Variants in ORC1 observed in about 807,000 individuals in gnomAD.
ORC1 encodes the protein origin recognition complex subunit 1, also known as origin recognition complex, subunit 1 homolog.
Under a neutral mutation model 98.9 loss-of-function variants are expected in ORC1, and 61 were observed. That is an observed-to-expected ratio of 0.62 (90% CI 0.50 to 0.76). The LOEUF (loss-of-function observed/expected upper bound fraction) is 0.76, where lower values mean the gene tolerates loss of function less well. Ranked by LOEUF, ORC1 falls within the 30% of genes least tolerant of loss-of-function variation. The pLI, the probability that ORC1 is intolerant of heterozygous loss-of-function variation, is 0.00. For missense variants in ORC1, 979 were observed against 1,072.2 expected (o/e 0.91, Z 1.21); for synonymous variants, 385 against 406.9 (o/e 0.95, Z 0.65).
At chr1:52,397,478 C>T (rs1647458141) in intron 4 of ORC1, among the ~76,000 whole-genome samples, 4 of 152,202 alleles carry the variant, frequency 2.6e-5, no homozygotes, top group Admixed American at 2.0e-4. Flanking sequence ...ACCCAAATGT[C>T]ACCTCTTGTA....
chr1:52,405,696 TAA>T (rs1157353529), upstream of ORC1: 1 of 1,613,296 alleles, frequency 6.2e-7, no homozygotes, highest in Admixed American at 1.7e-5. Context: ...TTGTAGTCGA[TAA>T]AGCCATGGAG....
At chr1:52,399,415 G>A (rs988259461) in intron 3 of ORC1, among the ~76,000 whole-genome samples, 4 of 151,802 alleles carry the variant, frequency 2.6e-5, no homozygotes, top group Non-Finnish European at 5.9e-5. Context: ...ATGAGGTCAG[G>A]AGCTCAAGAC....
intron 1 of ORC1, among the ~76,000 whole-genome samples, chr1:52,402,466 C>A (rs1647759161): frequency 6.6e-6 from 1 of 152,196 alleles, no homozygotes; most frequent in South Asian, 2.1e-4. Flanking sequence ...TATCTCTTTC[C>A]ATCCAGGAAA....
chr1:52,381,556 C>T (rs1218068666), intron 14 of ORC1, 86 bp downstream of exon 14: 1 of 1,415,050 alleles, frequency 7.1e-7, no homozygotes, highest in African/African-American at 1.4e-5. Flanking sequence ...TCTCTCCAAC[C>T]TCAGAGCACC....
At chr1:52,377,283 T>A (rs1349256406) in intron 14 of ORC1, among the ~76,000 whole-genome samples, 2 of 151,570 alleles carry the variant, frequency 1.3e-5, no homozygotes, top group Non-Finnish European at 2.9e-5. Context: ...TTTTGTTGGT[T>A]TTTTTGTTTG....
At chr1:52,404,794 C>A (rs751078267), upstream of ORC1, 3 of 1,614,172 alleles carry the variant, frequency 1.9e-6, no homozygotes, top group Non-Finnish European at 2.5e-6. Flanking sequence ...TCCATGGCAC[C>A]AACCCTCAAT....
At chr1:52,402,075 T>C in intron 2 of ORC1, 54 bp downstream of exon 2, 6 of 1,266,042 alleles carry the variant, frequency 4.7e-6, no homozygotes, top group Non-Finnish European at 6.9e-6. Context: ...ACAAGTTGAC[T>C]GTTTAGCTTG....
At chr1:52,388,080 G>C (rs1466654500) in intron 8 of ORC1, among the ~76,000 whole-genome samples, 3 of 152,064 alleles carry the variant, frequency 2.0e-5, no homozygotes, top group Admixed American at 6.6e-5. Flanking sequence ...TATCAAGTGG[G>C]ACAACAAAAC....
At chr1:52,408,764 A>G, upstream of ORC1, 2 of 1,541,846 alleles carry the variant, frequency 1.3e-6, no homozygotes, top group East Asian at 4.5e-5. Context: ...CTACCTTTGC[A>G]TTGTCATAGA....
intron 14 of ORC1, among the ~76,000 whole-genome samples, chr1:52,375,990 T>C (rs1471071220): frequency 6.6e-6 from 1 of 152,160 alleles, no homozygotes; most frequent in African/African-American, 2.4e-5. Flanking sequence ...GGAGCCTATC[T>C]GGAGATAAAG....
At position 52,401,346 on chromosome 1, in the gene ORC1, C is replaced by T. The variant is rs754879040; in HGVS notation, c.223+16G>A. 35 of 1,613,866 alleles carry T rather than the reference C, an allele frequency of 2.2e-5. No individual in the cohort carries two copies. The South Asian group carries it at 3.5e-4, about 16-fold the overall frequency. ...TCATGACAAGGAATGGTTTATTATTCCAGTCCCAAACTCACCATCTTCGAA... is the reference window on the plus strand; with the variant it reads ...TCATGACAAGGAATGGTTTATTATTTCAGTCCCAAACTCACCATCTTCGAA... On this transcript the variant is annotated intron_variant, in intron 3 of 16. Coordinates refer to ENST00000371568, the MANE Select transcript of ORC1 (RefSeq NM_004153.4).
chr1:52,383,319 G>A, intron 13 of ORC1, 101 bp downstream of exon 13: 1 of 1,432,762 alleles, frequency 7.0e-7, no homozygotes, highest in Non-Finnish European at 9.8e-7. Context: ...AAAGTGCGGG[G>A]TTTACAGGCG....
At position 52,383,853 on chromosome 1, in the gene ORC1, T is replaced by C; in HGVS notation, c.1840A>G (p.Thr614Ala). 6.2e-7 allele frequency: 1 copy of C among 1,614,074 alleles called. No homozygotes were observed. Among genetic ancestry groups the C allele is most frequent in the Non-Finnish European group, 8.5e-7 (1 of 1,179,976 alleles). Reference protein sequence around the residue: ...QFCTRGSPQETTVLLVDELDL... With the variant: ...QFCTRGSPQEATVLLVDELDL... ...ACCTCATCCACAAGCAGGACGGTGGTTTCCTGAGGTGACCCTCGGGTGCAG... is the reference window on the plus strand; with the variant it reads ...ACCTCATCCACAAGCAGGACGGTGGCTTCCTGAGGTGACCCTCGGGTGCAG... Residue 614 changes from threonine (T) to alanine (A), a missense_variant, in exon 12 of 17, where the codon ACC becomes GCC. By Grantham distance (58) the Thr-to-Ala change is moderately conservative. Coordinates refer to ENST00000371568, the MANE Select transcript of ORC1 (RefSeq NM_004153.4).
chr1:52,393,904 G>A, intron 5 of ORC1, 101 bp from the exon 6 acceptor site: 2 of 1,257,060 alleles, frequency 1.6e-6, no homozygotes, highest in Non-Finnish European at 2.3e-6. Context: ...ATGTAAAACA[G>A]GAATTATCTA....
upstream of ORC1, chr1:52,404,557 C>A (rs1004375895): frequency 4.0e-5 from 22 of 545,100 alleles, no homozygotes; most frequent in African/African-American, 3.4e-4. Flanking sequence ...AACATGCAGC[C>A]GCCATCATTG....
At chr1:52,386,718 TAGAA>T (rs1647147795) in intron 8 of ORC1, among the ~76,000 whole-genome samples, 1 of 152,160 alleles carries the variant, frequency 6.6e-6, no homozygotes. Context: ...TCCCAAAACT[TAGAA>T]AGGCCAAGAA....
At chr1:52,399,288 A>G (rs1043321004) in intron 3 of ORC1, among the ~76,000 whole-genome samples, 2 of 152,156 alleles carry the variant, frequency 1.3e-5, no homozygotes, top group African/African-American at 4.8e-5. Flanking sequence ...CAGGAGTTGG[A>G]GACCAGCCTG....
intron 15 of ORC1, among the ~76,000 whole-genome samples, chr1:52,375,126 A>C (rs1172677473): frequency 6.6e-6 from 1 of 152,168 alleles, no homozygotes; most frequent in Non-Finnish European, 1.5e-5. Flanking sequence ...TACACTGGTC[A>C]CTCATAAATA....
Position 52,396,152 on chromosome 1 carries a change from T to C in ORC1, c.615A>G (p.Ala205=), listed in dbSNP as rs766559033. 6 of 1,614,200 alleles carry C rather than the reference T, an allele frequency of 3.7e-6. No homozygotes were observed. Among genetic ancestry groups the C allele is most frequent in the Non-Finnish European group, 5.1e-6 (6 of 1,180,040 alleles). Residue 205 remains alanine, a synonymous_variant, in exon 5 of 17, where the codon GCA becomes GCG. Transcript: ENST00000371568. ...KSAESPSWTP[A]EHVAKRIESR... is the part of the protein sequence containing the mutation. ...ATTCAATCCTTTTGGCCACATGTTC[T>C]GCTGGGGTCCAAGAAGGGCTCTCTG...
Sources: allele counts gnomAD v4.1 joint callset (sites outside exome capture counted in the v4.1 genomes callset), GRCh38; gene constraint gnomAD v4.1.1; transcripts MANE v1.5; gene names NCBI Gene and HGNC (gene_info 2026-07-23, HGNC 2026-07-21).